Variants in SYT14 observed in about 807,000 individuals in gnomAD.
The protein encoded by SYT14 is synaptotagmin 14.
Under a neutral mutation model 74.2 loss-of-function variants are expected in SYT14, and 32 were observed. The ratio of observed to expected loss-of-function variants is 0.43; its 90% CI spans 0.33 to 0.58. The LOEUF is 0.58. Ranked by LOEUF, SYT14 falls within the 20% of genes least tolerant of loss-of-function variation. The pLI, the probability that SYT14 is intolerant of heterozygous loss-of-function variation, is 0.05. For missense variants in SYT14, 791 were observed against 981.8 expected (o/e 0.81, Z 2.60); for synonymous variants, 298 against 337.7 (o/e 0.88, Z 1.29).
intron 7 of SYT14, among the ~76,000 whole-genome samples, chr1:210,119,362 G>C (rs1224596477): frequency 1.3e-5 from 2 of 152,108 alleles, no homozygotes; most frequent in Non-Finnish European, 2.9e-5. Context: ...TAGAAAAGAG[G>C]CAGTTTTTAT....
chr1:209,947,589 T>C (rs780340362), intron 1 of SYT14, among the ~76,000 whole-genome samples: 6 of 152,220 alleles, frequency 3.9e-5, no homozygotes, highest in Non-Finnish European at 7.3e-5. Context: ...GTTGCTTATA[T>C]GGATGAACAA....
At chr1:210,063,909 C>T (rs187883759) in intron 5 of SYT14, among the ~76,000 whole-genome samples, 2 of 151,894 alleles carry the variant, frequency 1.3e-5, no homozygotes, top group East Asian at 3.9e-4. Context: ...TGAGATATAA[C>T]AGCCTTCTAA....
At chr1:210,042,977 A>G (rs2080821638) in intron 5 of SYT14, among the ~76,000 whole-genome samples, 2 of 152,156 alleles carry the variant, frequency 1.3e-5, no homozygotes, top group South Asian at 2.1e-4. Flanking sequence ...GATTCTTCCT[A>G]TCCATGAGCA....
intron 2 of SYT14, among the ~76,000 whole-genome samples, chr1:209,956,172 C>T (rs965813488): frequency 5.3e-5 from 8 of 152,086 alleles, no homozygotes; most frequent in South Asian, 2.1e-4. Context: ...TTGAAGTATA[C>T]GTCTCCTATA....
intron 5 of SYT14, among the ~76,000 whole-genome samples, chr1:210,040,367 G>A (rs922759422): frequency 2.6e-5 from 4 of 152,002 alleles, no homozygotes; most frequent in South Asian, 2.1e-4. Flanking sequence ...GGGATCTGTC[G>A]GGGGGTGAGG....
intron 2 of SYT14, among the ~76,000 whole-genome samples, chr1:209,980,631 G>A (rs750148060): frequency 1.3e-5 from 2 of 152,186 alleles, no homozygotes; most frequent in Non-Finnish European, 2.9e-5. Context: ...TGTATATGGT[G>A]TAAGGAAGGG....
At chr1:210,132,313 C>T (rs1279864189) in intron 7 of SYT14, among the ~76,000 whole-genome samples, 1 of 152,012 alleles carries the variant, frequency 6.6e-6, no homozygotes, top group African/African-American at 2.4e-5. Context: ...CTGGCATGGA[C>T]ATCCTGTTCA....
intron 5 of SYT14, among the ~76,000 whole-genome samples, chr1:210,056,188 T>C (rs1355095374): frequency 6.6e-6 from 1 of 152,144 alleles, no homozygotes; most frequent in Non-Finnish European, 1.5e-5. Flanking sequence ...CTCAACTAAA[T>C]ATTTCCAACA....
exon 10 of SYT14, chr1:210,161,290 A>C (rs1354601450): frequency 3.2e-6 from 2 of 617,738 alleles, no homozygotes; most frequent in South Asian, 3.1e-5. Flanking sequence ...ACAGTCCTCC[A>C]GAAATTTAAT....
chr1:210,110,408 A>G (rs9659395), intron 7 of SYT14, among the ~76,000 whole-genome samples: 101,636 of 152,078 alleles, frequency 0.67, 34,986 homozygotes, highest in East Asian at 0.85. Flanking sequence ...GAAAATAGTT[A>G]TTCTTTTCCA....
intron 2 of SYT14, among the ~76,000 whole-genome samples, chr1:209,967,531 G>A (rs989611597): frequency 1.3e-5 from 2 of 152,042 alleles, no homozygotes; most frequent in Admixed American, 6.6e-5. Context: ...ATTCCTGAGT[G>A]AGCTTTTATT....
At chr1:210,139,463 T>C (rs1293612194) in intron 7 of SYT14, among the ~76,000 whole-genome samples, 2 of 152,056 alleles carry the variant, frequency 1.3e-5, no homozygotes, top group East Asian at 1.9e-4. Flanking sequence ...TATTCTGAAA[T>C]AGGGATCCTG....
chr1:209,964,886 A>G (rs916832483), intron 2 of SYT14, among the ~76,000 whole-genome samples: 1 of 152,202 alleles, frequency 6.6e-6, no homozygotes, highest in African/African-American at 2.4e-5. Flanking sequence ...CAAACAGTCT[A>G]GGCACAATAA....
intron 5 of SYT14, among the ~76,000 whole-genome samples, chr1:210,091,489 G>A (rs1363634413): frequency 6.6e-6 from 1 of 152,132 alleles, no homozygotes; most frequent in East Asian, 1.9e-4. Flanking sequence ...AGGAATTCAG[G>A]ATCAGCCTGG....
At chr1:210,040,608 G>A (rs985577949) in intron 5 of SYT14, among the ~76,000 whole-genome samples, 8 of 152,010 alleles carry the variant, frequency 5.3e-5, no homozygotes, top group South Asian at 2.1e-4. Context: ...ATAAATAAAT[G>A]GACGTAGGAT....
chr1:210,033,785 G>C lies in SYT14; in HGVS notation c.1312+12531G>C, dbSNP rs115370664. On this transcript the variant is annotated intron_variant, in intron 5 of 9. Coordinates refer to ENST00000637265, the Ensembl canonical transcript of SYT14. ...TGATTTTAGTAGGTAAGTGAAAAAC[G>C]TATCATGGGATTTTGGTCATTGGTA... Among the ~76,000 whole-genome samples, 12 of 151,756 alleles carry C rather than the reference G, an allele frequency of 7.9e-5. No individual in the cohort carries two copies. The South Asian group carries it at 8.3e-4, about 10-fold the overall frequency.
At chr1:210,114,249 A>G (rs2082316173) in intron 7 of SYT14, among the ~76,000 whole-genome samples, 1 of 151,364 alleles carries the variant, frequency 6.6e-6, no homozygotes, top group Non-Finnish European at 1.5e-5. Context: ...TCCTTGGCCC[A>G]GTGGCCAGAT....
At chr1:210,110,193 C>T (rs1373267293) in intron 7 of SYT14, among the ~76,000 whole-genome samples, 1 of 152,104 alleles carries the variant, frequency 6.6e-6, no homozygotes, top group Non-Finnish European at 1.5e-5. Flanking sequence ...TTGCAGCAAA[C>T]CACCATGGCA....
intron 5 of SYT14, among the ~76,000 whole-genome samples, chr1:210,022,359 A>G (rs1408010979): frequency 6.6e-6 from 1 of 152,250 alleles, no homozygotes; most frequent in Non-Finnish European, 1.5e-5. Context: ...ATGAGATTCA[A>G]GGGAAGAAGT....
Sources: gnomAD v4.1 joint callset for allele counts (sites outside exome capture counted in the v4.1 genomes callset) on GRCh38, gnomAD v4.1.1 for gene constraint, MANE v1.5 for transcripts, NCBI Gene and HGNC (gene_info 2026-07-23, HGNC 2026-07-21) for gene names.